Variants in CADM3 observed in about 807,000 individuals in gnomAD.
CADM3 encodes TSLC1-like 1.
CADM3 carries 11 observed loss-of-function variants against 44.9 expected under a neutral mutation model. The observed-to-expected ratio is 0.25, with a 90% confidence interval of 0.15 to 0.41. CADM3 has a LOEUF of 0.41. CADM3 is among the 10% of genes least tolerant of loss of function. The pLI, the probability that CADM3 is intolerant of heterozygous loss-of-function variation, is 1.00. For missense variants in CADM3, 426 were observed against 512.0 expected (o/e 0.83, Z 1.62); for synonymous variants, 207 against 205.2 (o/e 1.01, Z -0.08).
At chr1:159,198,159 T>G (rs1649986951) in intron 7 of CADM3, 1 of 152,256 alleles carries the variant, frequency 6.6e-6, no homozygotes, top group African/African-American at 2.4e-5. Flanking sequence ...TTTCCAGTGC[T>G]GACGCCTGGT....
intron 1 of CADM3, among the ~76,000 whole-genome samples, chr1:159,186,241 C>T (rs1228002318): frequency 6.6e-6 from 1 of 152,170 alleles, no homozygotes; most frequent in East Asian, 1.9e-4. Context: ...TGAAATGAAG[C>T]TCGGCATCAG....
At chr1:159,188,722 G>T (rs545397424) in intron 1 of CADM3, among the ~76,000 whole-genome samples, 2 of 152,300 alleles carry the variant, frequency 1.3e-5, no homozygotes, top group South Asian at 4.1e-4. Flanking sequence ...CTTCAGGTTG[G>T]GCTAGGGACT....
chr1:159,173,366 G>T (rs1648896916), intron 1 of CADM3, among the ~76,000 whole-genome samples: 1 of 152,092 alleles, frequency 6.6e-6, no homozygotes, highest in Non-Finnish European at 1.5e-5. Context: ...TGTCTCCATC[G>T]TGATAAAGGA....
intron 3 of CADM3, among the ~76,000 whole-genome samples, chr1:159,193,108 C>T (rs532050220): frequency 6.6e-6 from 1 of 152,258 alleles, no homozygotes; most frequent in Non-Finnish European, 1.5e-5. Flanking sequence ...ATATTTCATC[C>T]TATATTTCAA....
intron 1 of CADM3, among the ~76,000 whole-genome samples, chr1:159,185,005 T>C: frequency 6.6e-6 from 1 of 152,172 alleles, no homozygotes; most frequent in Non-Finnish European, 1.5e-5. Flanking sequence ...AAAGCAAGAG[T>C]TAAGAAACCT....
At chr1:159,189,104 C>G (rs907391141) in intron 1 of CADM3, among the ~76,000 whole-genome samples, 1 of 152,128 alleles carries the variant, frequency 6.6e-6, no homozygotes, top group African/African-American at 2.4e-5. Context: ...CAGCCCTAAC[C>G]ATGATCTGTT....
chr1:159,196,148 T>C (rs1649879908), intron 5 of CADM3: 1 of 535,220 alleles, frequency 1.9e-6, no homozygotes, highest in Non-Finnish European at 3.4e-6. Flanking sequence ...GGACAGACCT[T>C]CCAGAATCCT....
chr1:159,188,164 C>A (rs1158169800), intron 1 of CADM3, among the ~76,000 whole-genome samples: 1 of 151,916 alleles, frequency 6.6e-6, no homozygotes, highest in East Asian at 1.9e-4. Flanking sequence ...GCCAGGGAAC[C>A]TCCGCAGCTG....
chr1:159,185,470 G>GTGCAGAAAGCCTCTC (rs1288039694), intron 1 of CADM3, among the ~76,000 whole-genome samples: 1 of 152,212 alleles, frequency 6.6e-6, no homozygotes, highest in Non-Finnish European at 1.5e-5. Flanking sequence ...CCTGGGCTTT[G>GTGCAGAAAGCCTCTC]TGGTCAGAGA....
chr1:159,187,293 A>G (rs1468633038), intron 1 of CADM3, among the ~76,000 whole-genome samples: 1 of 152,222 alleles, frequency 6.6e-6, no homozygotes, highest in African/African-American at 2.4e-5. Flanking sequence ...ACGGTGAATA[A>G]CTTAAGGCTC....
chr1:159,191,840 C>A, intron 1 of CADM3, 96 bp from the exon 2 acceptor site: 2 of 1,469,528 alleles, frequency 1.4e-6, no homozygotes, highest in Non-Finnish European at 9.4e-7. Context: ...ACACAAGGGC[C>A]TTGGATGGTC....
In CADM3 at chr1:159,199,848, C is replaced by T; in HGVS notation, c.1050C>T (p.Phe350=). The T allele has an allele frequency of 6.2e-7, 1 of 1,614,060 alleles. No homozygotes were observed. The highest frequency in any genetic ancestry group is 8.5e-7 in the Non-Finnish European group (1 of 1,180,024). The part of the protein sequence containing the change: ...IVFLLLIMLI[F]LGHYLIRHKG... ...TCCTGCTGCTCATCATGCTCATCTT[C>T]CTTGGCCACTACTTGATCCGGCACA... Residue 350 remains phenylalanine, a synonymous_variant, in exon 8 of 9, where the codon TTC becomes TTT. Transcript: ENST00000368125.
chr1:159,178,829 A>G (rs1211868271), intron 1 of CADM3, among the ~76,000 whole-genome samples: 1 of 152,178 alleles, frequency 6.6e-6, no homozygotes, highest in East Asian at 1.9e-4. Context: ...GAACTACACA[A>G]GCTTCTCATC....
chr1:159,193,438 C>T lies in CADM3; in HGVS notation c.398C>T (p.Pro133Leu), dbSNP rs755311911. The change falls in exon 4 of 9, where the codon CCC (proline) becomes CTC (leucine). Residue 133 changes from proline (P) to leucine (L), a missense_variant. Coordinates refer to ENST00000368125, the MANE Select transcript of CADM3 (RefSeq NM_001127173.3). ...LVTVLGIPQK[P>L]IITGYKSSLR... The stretch of plus-strand genomic sequence containing the variant: ...TCCATGGCAGGAATTCCACAGAAGC[C>T]CATCATCACTGGTTATAAATCTTCA... The T allele has an allele frequency of 6.2e-7, 1 of 1,601,284 alleles. No individual in the cohort carries two copies. Among genetic ancestry groups the T allele is most frequent in the Non-Finnish European group, 8.5e-7 (1 of 1,171,338 alleles).
At chr1:159,199,104 G>A (rs537230363) in intron 7 of CADM3, among the ~76,000 whole-genome samples, 5 of 152,152 alleles carry the variant, frequency 3.3e-5, no homozygotes, top group South Asian at 2.1e-4. Context: ...ATCATCTTTC[G>A]TAAGGTGCTG....
At chr1:159,185,651 T>G (rs2102109676) in intron 1 of CADM3, among the ~76,000 whole-genome samples, 1 of 152,340 alleles carries the variant, frequency 6.6e-6, no homozygotes, top group East Asian at 1.9e-4. Context: ...AAACTGTTGA[T>G]AAATACCAAT....
Position 159,192,016 on chromosome 1 carries a change from G to A in CADM3, c.169G>A (p.Asp57Asn), listed in dbSNP as rs764942306. 6.2e-6 allele frequency: 10 copies of A among 1,614,018 alleles called. No homozygotes were observed. The highest frequency in any genetic ancestry group is 8.5e-6 in the Non-Finnish European group (10 of 1,180,038). Residue 57 changes from aspartate to asparagine, a missense_variant, in exon 2 of 9, where the codon GAC becomes AAC. By Grantham distance (23) the Asp-to-Asn change is conservative. Transcript: ENST00000368125. ...CAAGTGCCAAGTGAAAGATCACGAG[G>A]ACTCATCCCTGCAATGGTCTAACCC... ...VLKCQVKDHE[D>N]SSLQWSNPAQ...
At chr1:159,192,309 A>G (rs1489139942) in intron 2 of CADM3, among the ~76,000 whole-genome samples, 1 of 152,188 alleles carries the variant, frequency 6.6e-6, no homozygotes, top group African/African-American at 2.4e-5. Flanking sequence ...GAGGAACTCT[A>G]ACAGGAAGCT....
intron 2 of CADM3, 74 bp from the exon 3 acceptor site, chr1:159,192,504 C>T (rs1649707537): frequency 6.3e-7 from 1 of 1,587,126 alleles, no homozygotes; most frequent in Non-Finnish European, 8.6e-7. Context: ...CCCAAAGAAG[C>T]TGGCCTGGGA....
Sources: gnomAD v4.1 joint callset for allele counts (sites outside exome capture counted in the v4.1 genomes callset) on GRCh38, gnomAD v4.1.1 for gene constraint, MANE v1.5 for transcripts, NCBI Gene and HGNC (gene_info 2026-07-23, HGNC 2026-07-21) for gene names.